PLA2G2C: variants seen among roughly 807,000 people sequenced by gnomAD.
The protein encoded by PLA2G2C is putative inactive group IIC secretory phospholipase A2.
In PLA2G2C, 15 loss-of-function variants were observed where a neutral mutation model predicts 14.3. The ratio of observed to expected loss-of-function variants is 1.05; its 90% CI spans 0.70 to 1.62. PLA2G2C has a LOEUF of 1.62. PLA2G2C is among the 40% of genes most tolerant of loss of function. The probability of loss-of-function intolerance (pLI) is 0.00; values close to 1 mark genes in which losing one functional copy is unlikely to be tolerated. For missense variants in PLA2G2C, 162 were observed against 173.2 expected (o/e 0.94, Z 0.36); for synonymous variants, 79 against 67.7 (o/e 1.17, Z -0.82).
At position 20,164,017 on chromosome 1, in the gene PLA2G2C, A is replaced by G. The variant is rs1042277637; in HGVS notation, c.424T>C (p.Cys142Arg). ...NFKQFSSQPRCGRHKPWC is the reference protein window; with the variant it reads ...NFKQFSSQPRRGRHKPWC ...TAGCACCAGGGCTTATGTCTGCCACACCTGGGCTGGCTGGAGAACTGCTTG... is the reference window on the plus strand; with the variant it reads ...TAGCACCAGGGCTTATGTCTGCCACGCCTGGGCTGGCTGGAGAACTGCTTG... Residue 142 changes from cysteine (C) to arginine (R), a missense_variant, in exon 5 of 5, where the codon TGT becomes CGT. Physicochemically the swap from Cys to Arg is radical, Grantham distance 180. Coordinates refer to ENST00000679259, the MANE Select transcript of PLA2G2C (RefSeq NM_001367969.2). 1.2e-6 allele frequency: 2 copies of G among 1,613,334 alleles called. No homozygotes were observed. Among genetic ancestry groups the G allele is most frequent in the South Asian group, 1.1e-5 (1 of 90,848 alleles).
At chr1:20,182,447 A>G (rs2018290941) in intron 1 of PLA2G2C, among the ~76,000 whole-genome samples, 1 of 152,218 alleles carries the variant, frequency 6.6e-6, no homozygotes, top group Non-Finnish European at 1.5e-5. Flanking sequence ...AACAGGCTAT[A>G]CCATATAACC....
In PLA2G2C at chr1:20,163,711, C is replaced by T. The variant is rs555760252; in HGVS notation, c.*280G>A. ...TTACTACAGTCTAATGTGTCTCTTA[C>T]TTCTATATCCATGCATTTGTAGTCC... On this transcript the variant is annotated 3_prime_UTR_variant, in exon 5 of 5. Coordinates refer to ENST00000679259, the MANE Select transcript of PLA2G2C (RefSeq NM_001367969.2). 2.5e-6 allele frequency: 1 copy of T among 393,556 alleles called. No individual in the cohort carries two copies. The highest frequency in any genetic ancestry group is 2.1e-5 in the African/African-American group (1 of 48,548). The allele number at this position is 393,556 out of a possible 1,614,324, so 24.4% of individuals were successfully genotyped here.
rs184034356 is a variant in PLA2G2C, at chr1:20,167,832, G to A, written c.284-3675C>T. On this transcript the variant is annotated intron_variant, in intron 4 of 4. Transcript: ENST00000679259. The stretch of plus-strand genomic sequence containing the variant: ...GACCAAATGCCACCTCCCCAGAGAG[G>A]CCTTCTTCGACCACCTAAAGCAGGC... 2.4e-4 allele frequency among the ~76,000 whole-genome samples: 37 copies of A among 152,308 alleles called. No individual in the cohort carries two copies. In the East Asian group the frequency reaches 5.4e-3, roughly 22 times the overall value.
At chr1:20,184,201 A>ACACACG (rs1340031609) in intron 1 of PLA2G2C, 1 of 151,324 alleles carries the variant, frequency 6.6e-6, no homozygotes, top group Non-Finnish European at 1.5e-5. Context: ...GCACACGCAC[A>ACACACG]CACACACACA....
chr1:20,166,519 C>T (rs1017182495), intron 4 of PLA2G2C, among the ~76,000 whole-genome samples: 8 of 152,156 alleles, frequency 5.3e-5, no homozygotes, highest in Admixed American at 5.2e-4. Context: ...TGAGCTCAGG[C>T]CCCCCAGCCA....
chr1:20,178,575 G>GT (rs751484533), intron 1 of PLA2G2C, among the ~76,000 whole-genome samples: 8 of 152,298 alleles, frequency 5.3e-5, no homozygotes, highest in Non-Finnish European at 1.2e-4. Context: ...TGTGCGGGAT[G>GT]TTTTTTAATT....
chr1:20,175,241 G>A lies in PLA2G2C; in HGVS notation c.41-96C>T, dbSNP rs561654164. The A allele has an allele frequency of 1.9e-5, 30 of 1,561,592 alleles. No homozygotes were observed. In the South Asian group the frequency reaches 2.4e-4, roughly 13 times the overall value. On this transcript the variant is annotated intron_variant, in intron 2 of 4. Coordinates refer to ENST00000679259, the MANE Select transcript of PLA2G2C (RefSeq NM_001367969.2). Reference sequence around the variant, plus strand: ...CCCCTTACTAGAGTGCTGAGCATTCGAAATATCACCAGATCCCCAAAGCGA... The same window carrying A: ...CCCCTTACTAGAGTGCTGAGCATTCAAAATATCACCAGATCCCCAAAGCGA...
intron 4 of PLA2G2C, among the ~76,000 whole-genome samples, chr1:20,172,014 C>T (rs12410439): frequency 7.9e-5 from 12 of 151,888 alleles, no homozygotes; most frequent in Non-Finnish European, 1.5e-5. Flanking sequence ...CCGCCCGCCT[C>T]GGCCTCCCAA....
intron 2 of PLA2G2C, 131 bp from the exon 3 acceptor site, chr1:20,175,276 G>T: frequency 7.5e-7 from 1 of 1,334,236 alleles, no homozygotes; most frequent in Non-Finnish European, 1.0e-6. Flanking sequence ...AAGTGCAAGG[G>T]GCATGGCTGG....
chr1:20,163,261 T>TA lies in PLA2G2C; in HGVS notation c.*729dup, dbSNP rs2100708320. 1 of 152,390 alleles carries TA rather than the reference T, an allele frequency of 6.6e-6. No individual in the cohort carries two copies. The highest frequency in any genetic ancestry group is 1.9e-4 in the East Asian group (1 of 5,190). The allele number at this position is 152,390 out of a possible 1,614,324, so 9.4% of individuals were successfully genotyped here. ...GGTGGGCTCTCATCCTCCAGCAGGC[T>TA]AGCCCAGGCTTTTTTGCAGGGTGGG... On this transcript the variant is annotated 3_prime_UTR_variant, in exon 5 of 5. Coordinates refer to ENST00000679259, the MANE Select transcript of PLA2G2C (RefSeq NM_001367969.2).
Position 20,174,995 on chromosome 1 carries a change from C to T in PLA2G2C, c.179+12G>A, listed in dbSNP as rs2018154046. 6.2e-7 allele frequency: 1 copy of T among 1,610,694 alleles called. No homozygotes were observed. The highest frequency in any genetic ancestry group is 8.5e-7 in the Non-Finnish European group (1 of 1,178,306). Reference sequence around the variant, plus strand: ...AACAAATGATAAGTGGCCTTAGAGCCTCTGCACCCACCTGTCAGTGTCATC... The same window carrying T: ...AACAAATGATAAGTGGCCTTAGAGCTTCTGCACCCACCTGTCAGTGTCATC... On this transcript the variant is annotated intron_variant, in intron 3 of 4. Coordinates refer to ENST00000679259, the MANE Select transcript of PLA2G2C (RefSeq NM_001367969.2).
intron 4 of PLA2G2C, among the ~76,000 whole-genome samples, chr1:20,167,128 C>T (rs999900748): frequency 1.1e-4 from 17 of 152,290 alleles, no homozygotes; most frequent in Non-Finnish European, 4.4e-5. Flanking sequence ...CTGTCCCAGG[C>T]CCCAGTCTAA....
intron 4 of PLA2G2C, 28 bp downstream of exon 4, chr1:20,172,766 A>T (rs1353316478): frequency 6.3e-7 from 1 of 1,578,200 alleles, no homozygotes; most frequent in Admixed American, 1.7e-5. Flanking sequence ...AGGTTAAAAG[A>T]CATTTCCATA....
intron 1 of PLA2G2C, among the ~76,000 whole-genome samples, 181 bp from the exon 2 acceptor site, chr1:20,177,620 A>C (rs1266922487): frequency 6.6e-6 from 1 of 151,904 alleles, no homozygotes; most frequent in African/African-American, 2.4e-5. Context: ...GAAGGGTTCC[A>C]TGGTTTTGAA....
In PLA2G2C at chr1:20,163,944, CA is replaced by C. The variant is rs1324215057; in HGVS notation, c.*46del. 6.4e-7 allele frequency: 1 copy of C among 1,561,038 alleles called. No individual in the cohort carries two copies. On this transcript the variant is annotated 3_prime_UTR_variant, in exon 5 of 5. Coordinates refer to ENST00000679259, the MANE Select transcript of PLA2G2C (RefSeq NM_001367969.2). ...GATCTGAGAAGGCTTCCTGGAAGAGCAACACTAGAGCGGATGCTGGATGATG... is the reference window on the plus strand; with the variant it reads ...GATCTGAGAAGGCTTCCTGGAAGAGCACACTAGAGCGGATGCTGGATGATG...
chr1:20,172,574 C>T (rs912571818), intron 4 of PLA2G2C, among the ~76,000 whole-genome samples: 10 of 152,134 alleles, frequency 6.6e-5, no homozygotes, highest in African/African-American at 1.9e-4. Context: ...TCTGGGCCCC[C>T]AGAGAGTTCA....
At chr1:20,168,870 C>T (rs2018022546) in intron 4 of PLA2G2C, among the ~76,000 whole-genome samples, 1 of 152,236 alleles carries the variant, frequency 6.6e-6, no homozygotes, top group Admixed American at 6.5e-5. Flanking sequence ...GGGATAACCA[C>T]CTCCCAGGTG....
chr1:20,179,214 G>C (rs200806424), intron 1 of PLA2G2C, among the ~76,000 whole-genome samples: 2,825 of 134,506 alleles, frequency 0.021, 39 homozygotes, highest in Middle Eastern at 0.029. Context: ...CAGTTTCTCT[G>C]TGTGTGTGTG....
intron 2 of PLA2G2C, among the ~76,000 whole-genome samples, chr1:20,176,764 A>G (rs1361293068): frequency 1.3e-5 from 2 of 152,234 alleles, no homozygotes; most frequent in African/African-American, 4.8e-5. Flanking sequence ...ATGGATCTGG[A>G]CAAACCTCCA....
Sources: allele counts gnomAD v4.1 joint callset (sites outside exome capture counted in the v4.1 genomes callset), GRCh38; gene constraint gnomAD v4.1.1; transcripts MANE v1.5; gene names NCBI Gene and HGNC (gene_info 2026-07-23, HGNC 2026-07-21).